PDE4B: variants seen among roughly 807,000 people sequenced by gnomAD.
The protein encoded by PDE4B is phosphodiesterase 4B.
Under a neutral mutation model 82.2 loss-of-function variants are expected in PDE4B, and 20 were observed. That is an observed-to-expected ratio of 0.24 (90% confidence interval 0.17 to 0.35). The LOEUF (loss-of-function observed/expected upper bound fraction) is 0.35. Ranked by LOEUF, PDE4B falls within the 10% of genes least tolerant of loss-of-function variation. The probability of loss-of-function intolerance (pLI) is 1.00; values close to 1 mark genes in which losing one functional copy is unlikely to be tolerated. For missense variants in PDE4B, 655 were observed against 907.2 expected, an observed-to-expected ratio of 0.72 and a Z score of 3.57; for synonymous variants, 320 against 318.9, an observed-to-expected ratio of 1.00 and a Z score of -0.04.
intron 3 of PDE4B, among the ~76,000 whole-genome samples, chr1:66,020,785 T>A (rs913230249): frequency 3.9e-5 from 6 of 152,070 alleles, no homozygotes; most frequent in Non-Finnish European, 8.8e-5. Flanking sequence ...TAAGTGTGCA[T>A]GTGTCTTTAT....
intron 1 of PDE4B, among the ~76,000 whole-genome samples, chr1:65,896,206 C>T (rs1336232600): frequency 6.6e-6 from 1 of 152,028 alleles, no homozygotes; most frequent in African/African-American, 2.4e-5. Context: ...CACAGTTTCA[C>T]ATGGATGGGG....
intron 3 of PDE4B, among the ~76,000 whole-genome samples, chr1:66,205,934 T>C (rs1649510294): frequency 6.6e-6 from 1 of 152,106 alleles, no homozygotes; most frequent in Non-Finnish European, 1.5e-5. Context: ...GTCCTGCCCC[T>C]CCCCTTGCCA....
intron 1 of PDE4B, among the ~76,000 whole-genome samples, chr1:65,904,469 A>G (rs2100431729): frequency 6.6e-6 from 1 of 152,292 alleles, no homozygotes; most frequent in East Asian, 1.9e-4. Flanking sequence ...GTAAATTCCT[A>G]TGAGATTACA....
chr1:66,021,798 CTT>C (rs1653136858), intron 3 of PDE4B, among the ~76,000 whole-genome samples: 1 of 152,146 alleles, frequency 6.6e-6, no homozygotes, highest in African/African-American at 2.4e-5. Context: ...AATGCGGGCT[CTT>C]TTTTGGTTCC....
chr1:66,297,852 G>T (rs1464442151), intron 7 of PDE4B, among the ~76,000 whole-genome samples: 1 of 152,062 alleles, frequency 6.6e-6, no homozygotes, highest in Non-Finnish European at 1.5e-5. Context: ...TCATGGTGTA[G>T]GTAGTAAAGT....
intron 3 of PDE4B, among the ~76,000 whole-genome samples, chr1:66,024,910 C>T (rs137937203): frequency 0.039 from 5,861 of 151,590 alleles, 481 homozygotes; most frequent in East Asian, 0.36. Flanking sequence ...TATTTATTTT[C>T]AAATTATAAA....
chr1:66,314,619 G>T (rs765649724), intron 7 of PDE4B, among the ~76,000 whole-genome samples: 7 of 152,068 alleles, frequency 4.6e-5, no homozygotes, highest in Non-Finnish European at 7.4e-5. Context: ...CACCATATTA[G>T]CCAGGCTGGT....
intron 3 of PDE4B, among the ~76,000 whole-genome samples, chr1:65,933,349 A>G (rs1647943592): frequency 6.6e-6 from 1 of 152,074 alleles, no homozygotes; most frequent in Admixed American, 6.5e-5. Context: ...AATGAAAAAT[A>G]CTTGGCATGC....
chr1:66,336,050 A>G (rs769121661), intron 8 of PDE4B, among the ~76,000 whole-genome samples: 1 of 152,246 alleles, frequency 6.6e-6, no homozygotes, highest in Non-Finnish European at 1.5e-5. Context: ...ATAGAAAGGA[A>G]GAAAGCAAAT....
chr1:65,961,945 A>AT (rs1339222938), intron 3 of PDE4B, among the ~76,000 whole-genome samples: 2 of 152,176 alleles, frequency 1.3e-5, no homozygotes, highest in Non-Finnish European at 2.9e-5. Flanking sequence ...GTAGCATGCG[A>AT]TTTAACACAG....
chr1:66,090,829 AAG>A (rs1406496967), intron 3 of PDE4B, among the ~76,000 whole-genome samples: 1 of 151,642 alleles, frequency 6.6e-6, no homozygotes, highest in Non-Finnish European at 1.5e-5. Context: ...ATTTTTGAGA[AAG>A]AGGCAAGGAC....
chr1:66,295,125 G>A (rs1030223122), intron 7 of PDE4B, among the ~76,000 whole-genome samples: 5 of 152,160 alleles, frequency 3.3e-5, no homozygotes, highest in Admixed American at 2.6e-4. Flanking sequence ...CTTCGAAGTA[G>A]GGGAAGTGTT....
Position 66,150,449 on chromosome 1 carries a change from A to C in PDE4B, c.282-97011A>C, listed in dbSNP as rs535678193. ...ATATTTTTCTATCAGATTCCTTAGG[A>C]TTTTCTATTTACAAGATTATGACAT... is the stretch of plus-strand genomic sequence containing the variant. On this transcript the variant is annotated intron_variant, in intron 3 of 16. Coordinates refer to ENST00000341517, the MANE Select transcript of PDE4B (RefSeq NM_002600.4). Among the ~76,000 whole-genome samples the C allele has an allele frequency of 5.3e-4, 81 of 152,296 alleles. 1 individual carries two copies. The highest frequency in any genetic ancestry group is 3.7e-3 in the South Asian group (18 of 4,830).
At chr1:66,040,227 A>G (rs1654294466) in intron 3 of PDE4B, among the ~76,000 whole-genome samples, 1 of 152,020 alleles carries the variant, frequency 6.6e-6, no homozygotes, top group Non-Finnish European at 1.5e-5. Flanking sequence ...TAATGCACAA[A>G]CCTGTTAGTA....
intron 3 of PDE4B, among the ~76,000 whole-genome samples, chr1:66,105,359 GA>G (rs1242087551): frequency 1.3e-5 from 2 of 151,738 alleles, no homozygotes; most frequent in Non-Finnish European, 2.9e-5. Flanking sequence ...AGTATAGTTT[GA>G]AGTCAGGTAG....
intron 3 of PDE4B, among the ~76,000 whole-genome samples, chr1:66,039,618 A>G (rs1654254976): frequency 6.6e-6 from 1 of 152,026 alleles, no homozygotes; most frequent in Admixed American, 6.6e-5. Flanking sequence ...CCATGTATAT[A>G]CATATATGTA....
chr1:66,151,638 T>G (rs530634632), intron 3 of PDE4B, among the ~76,000 whole-genome samples: 4 of 152,208 alleles, frequency 2.6e-5, no homozygotes, highest in African/African-American at 9.6e-5. Context: ...CTATCTGTGG[T>G]TTAAAACTCA....
chr1:66,295,419 A>G (rs542552369), intron 7 of PDE4B, among the ~76,000 whole-genome samples: 18 of 152,074 alleles, frequency 1.2e-4, no homozygotes, highest in Non-Finnish European at 1.9e-4. Flanking sequence ...ATTTTATTCC[A>G]TTCTATTCTT....
intron 4 of PDE4B, among the ~76,000 whole-genome samples, chr1:66,250,780 G>A (rs890719375): frequency 2.0e-5 from 3 of 152,196 alleles, no homozygotes; most frequent in African/African-American, 7.2e-5. Flanking sequence ...AACTGTGGCA[G>A]GAACCACCAT....
Sources: allele counts gnomAD v4.1 joint callset (sites outside exome capture counted in the v4.1 genomes callset), GRCh38; gene constraint gnomAD v4.1.1; transcripts MANE v1.5; gene names NCBI Gene and HGNC (gene_info 2026-07-23, HGNC 2026-07-21).